Variants in PCDH9 observed in about 807,000 individuals in gnomAD.
PCDH9 encodes protocadherin 9, also known as protocadherin-9.
PCDH9 carries 24 observed loss-of-function variants against 70.6 expected under a neutral mutation model. The observed-to-expected ratio is 0.34, with a 90% CI of 0.25 to 0.48. The LOEUF is 0.48. Among genes scored for constraint, PCDH9 ranks in the 20% least tolerant of loss-of-function variants. PCDH9 has a pLI of 0.99. For missense variants in PCDH9, 1,281 were observed against 1,503.6 expected, an observed-to-expected ratio of 0.85 and a Z score of 2.45; for synonymous variants, 562 against 558.5, an observed-to-expected ratio of 1.01 and a Z score of -0.09.
At chr13:67,051,235 A>G (rs918738544) in intron 2 of PCDH9, among the ~76,000 whole-genome samples, 1 of 152,288 alleles carries the variant, frequency 6.6e-6, no homozygotes, top group South Asian at 2.1e-4. Flanking sequence ...TGAAATACAA[A>G]CACACTAATG....
chr13:66,995,623 G>C (rs1474134604), intron 2 of PCDH9, among the ~76,000 whole-genome samples: 4 of 152,086 alleles, frequency 2.6e-5, no homozygotes, highest in Non-Finnish European at 1.5e-5. Flanking sequence ...AAGTTAAGAT[G>C]GTTTTCTGTG....
intron 2 of PCDH9, among the ~76,000 whole-genome samples, chr13:67,045,383 C>T (rs2085203313): frequency 6.6e-6 from 1 of 152,098 alleles, no homozygotes. Flanking sequence ...TTTTCCATCA[C>T]AGTCTATGTT....
At chr13:66,802,039 G>A (rs2080335232) in intron 3 of PCDH9, among the ~76,000 whole-genome samples, 1 of 151,580 alleles carries the variant, frequency 6.6e-6, no homozygotes, top group African/African-American at 2.4e-5. Flanking sequence ...TTTAACTAAA[G>A]TGTCTTTAAG....
In PCDH9 at chr13:67,197,212, C is replaced by T. The variant is rs577898248; in HGVS notation, c.3036+28193G>A. On this transcript the variant is annotated intron_variant, in intron 2 of 4. Transcript: ENST00000377865. ...TGCATATTTGCACGTCTGGTAATAGCCTCAATTATATATTCAATAAAAAGC... is the reference window on the plus strand; with the variant it reads ...TGCATATTTGCACGTCTGGTAATAGTCTCAATTATATATTCAATAAAAAGC... Among the ~76,000 whole-genome samples, 2 of 151,992 alleles carry T rather than the reference C, an allele frequency of 1.3e-5. 1 individual carries two copies. The highest frequency in any genetic ancestry group is 4.1e-4 in the South Asian group (2 of 4,822).
At chr13:66,912,006 G>C (rs1716269354) in intron 2 of PCDH9, among the ~76,000 whole-genome samples, 1 of 152,110 alleles carries the variant, frequency 6.6e-6, no homozygotes. Context: ...ATCCCTGGGA[G>C]TTTCCCCATA....
chr13:66,843,122 T>C (rs1227561595), intron 3 of PCDH9, among the ~76,000 whole-genome samples: 6 of 152,196 alleles, frequency 3.9e-5, no homozygotes, highest in South Asian at 2.1e-4. Flanking sequence ...CACAGGTGTG[T>C]GCCCTCAGCA....
At chr13:66,362,292 G>A (rs775401181) in intron 4 of PCDH9, among the ~76,000 whole-genome samples, 4 of 152,124 alleles carry the variant, frequency 2.6e-5, no homozygotes, top group Admixed American at 6.6e-5. Context: ...TAGATGTAAC[G>A]GAAAACTTGT....
intron 3 of PCDH9, among the ~76,000 whole-genome samples, chr13:66,708,050 ATTTTTT>A (rs1049241867): frequency 1.3e-5 from 2 of 151,712 alleles, no homozygotes; most frequent in African/African-American, 4.9e-5. Context: ...ATTTTATTTT[ATTTTTT>A]TTTTATTTTT....
At chr13:66,513,748 T>C (rs2138590427) in intron 4 of PCDH9, among the ~76,000 whole-genome samples, 1 of 151,958 alleles carries the variant, frequency 6.6e-6, no homozygotes, top group Middle Eastern at 3.4e-3. Flanking sequence ...AACTATATCC[T>C]GACTATGCCC....
chr13:66,681,889 C>A (rs550794689), intron 3 of PCDH9, among the ~76,000 whole-genome samples: 4 of 147,470 alleles, frequency 2.7e-5, no homozygotes, highest in African/African-American at 1.0e-4. Context: ...TCTGTGGAGT[C>A]ATGTTGAAGT....
At chr13:66,627,198 A>G (rs903665961) in intron 4 of PCDH9, among the ~76,000 whole-genome samples, 6 of 152,308 alleles carry the variant, frequency 3.9e-5, no homozygotes, top group African/African-American at 1.4e-4. Flanking sequence ...GTACTTCTAC[A>G]GATCATACTG....
chr13:67,077,058 G>T (rs1471441437), intron 2 of PCDH9, among the ~76,000 whole-genome samples: 1 of 152,050 alleles, frequency 6.6e-6, no homozygotes, highest in Non-Finnish European at 1.5e-5. Flanking sequence ...CTCATCTATG[G>T]TCTCTTCTCA....
At chr13:66,343,809 G>A (rs146852212) in intron 4 of PCDH9, among the ~76,000 whole-genome samples, 92 of 152,204 alleles carry the variant, frequency 6.0e-4, no homozygotes, top group Non-Finnish European at 1.0e-3. Flanking sequence ...CTGTGGGAAC[G>A]GGGGGCATTG....
intron 3 of PCDH9, among the ~76,000 whole-genome samples, chr13:66,729,389 T>C (rs2139170704): frequency 6.6e-6 from 1 of 152,296 alleles, no homozygotes; most frequent in Non-Finnish European, 1.5e-5. Flanking sequence ...GTCATGTGCA[T>C]CTATACTACT....
At chr13:66,975,882 C>T (rs2083609855) in intron 2 of PCDH9, among the ~76,000 whole-genome samples, 2 of 152,076 alleles carry the variant, frequency 1.3e-5, no homozygotes, top group South Asian at 4.1e-4. Flanking sequence ...AGGAACTTTA[C>T]AATGAGTGGA....
rs117719924 is a variant in PCDH9 at position 66,851,399 on chromosome 13, T to C, written c.3138+52105A>G. On this transcript the variant is annotated intron_variant, in intron 3 of 4. Transcript: ENST00000377865. ...AATTGCAAAACTTCTCAAAAAAAAA[T>C]AACTTAAAATGAACAGTGATTTTTA... Among the ~76,000 whole-genome samples, 30 of 152,070 alleles carry C rather than the reference T, an allele frequency of 2.0e-4. No individual in the cohort carries two copies. The East Asian group carries it at 5.8e-3, about 29-fold the overall frequency.
chr13:67,212,239 C>T (rs2089483195), intron 2 of PCDH9: 1 of 151,710 alleles, frequency 6.6e-6, no homozygotes. Flanking sequence ...AATCTTATTA[C>T]CCCATTGAAA....
At chr13:67,108,075 T>TGGCA (rs1000382873) in intron 2 of PCDH9, among the ~76,000 whole-genome samples, 7 of 152,334 alleles carry the variant, frequency 4.6e-5, no homozygotes, top group African/African-American at 1.7e-4. Context: ...CTATGCACAG[T>TGGCA]GGCCAGACCC....
rs983600444 is a variant in PCDH9 at position 66,743,499 on chromosome 13, A to G, written c.3139-112088T>C. Among the ~76,000 whole-genome samples, 175 of 152,228 alleles carry G rather than the reference A, an allele frequency of 1.1e-3. 1 individual carries two copies. Among genetic ancestry groups the G allele is most frequent in the Non-Finnish European group, 1.6e-3 (110 of 68,016 alleles). Reference sequence around the variant, plus strand: ...CCCTAAAACTTAAAGTATAATAAAAAAAAAAAAATTTGGAAGAGGTTAGTC... The same window carrying G: ...CCCTAAAACTTAAAGTATAATAAAAGAAAAAAAATTTGGAAGAGGTTAGTC... On this transcript the variant is annotated intron_variant, in intron 3 of 4. Transcript: ENST00000377865.
Sources: gnomAD v4.1 joint callset for allele counts (sites outside exome capture counted in the v4.1 genomes callset) on GRCh38, gnomAD v4.1.1 for gene constraint, MANE v1.5 for transcripts, NCBI Gene and HGNC (gene_info 2026-07-23, HGNC 2026-07-21) for gene names.